Variants in ADAMTS18 observed in about 807,000 individuals in gnomAD.
The protein encoded by ADAMTS18 is A disintegrin and metalloproteinase with thrombospondin motifs 18.
Under a neutral mutation model 165.9 loss-of-function variants are expected in ADAMTS18, and 157 were observed. The ratio of observed to expected loss-of-function variants is 0.95; its 90% confidence interval spans 0.83 to 1.08. The LOEUF (loss-of-function observed/expected upper bound fraction) is 1.08, where lower values mean the gene tolerates loss of function less well. ADAMTS18 is among the 50% of genes least tolerant of loss of function. ADAMTS18 has a pLI of 0.00. For missense variants in ADAMTS18, 2,040 were observed against 1,534.0 expected (o/e 1.33, Z -5.51); for synonymous variants, 782 against 578.2 (o/e 1.35, Z -5.06).
intron 2 of ADAMTS18, among the ~76,000 whole-genome samples, chr16:77,433,223 G>A (rs928619729): frequency 6.6e-6 from 1 of 152,180 alleles, no homozygotes; most frequent in East Asian, 1.9e-4. Flanking sequence ...ACATATGCAG[G>A]AAGTCTGTGT....
intron 3 of ADAMTS18, among the ~76,000 whole-genome samples, chr16:77,408,539 A>G (rs1225973300): frequency 2.6e-5 from 4 of 152,214 alleles, no homozygotes. Flanking sequence ...ACAGCTACAT[A>G]TAACAATATG....
intron 13 of ADAMTS18, among the ~76,000 whole-genome samples, chr16:77,323,043 A>T (rs1191315783): frequency 6.6e-6 from 1 of 152,222 alleles, no homozygotes; most frequent in African/African-American, 2.4e-5. Context: ...GAAAGCAAAT[A>T]AACTCGTCCT....
chr16:77,391,638 C>T (rs1428993258), intron 3 of ADAMTS18, among the ~76,000 whole-genome samples: 1 of 152,122 alleles, frequency 6.6e-6, no homozygotes, highest in Non-Finnish European at 1.5e-5. Context: ...ATTCATCTTC[C>T]TTTTAATAGT....
intron 21 of ADAMTS18, 95 bp from the exon 22 acceptor site, chr16:77,289,506 AT>A: frequency 2.8e-6 from 4 of 1,419,084 alleles, no homozygotes; most frequent in East Asian, 2.3e-5. Flanking sequence ...CATTAACAAG[AT>A]GCCTGCTGAT....
intron 3 of ADAMTS18, among the ~76,000 whole-genome samples, chr16:77,415,605 G>A (rs553482986): frequency 1.3e-4 from 19 of 151,188 alleles, no homozygotes; most frequent in Non-Finnish European, 1.6e-4. Flanking sequence ...TGACTAGTCA[G>A]TATGTAAAAC....
Position 77,283,934 on chromosome 16 carries a change from G to A in ADAMTS18, c.*22C>T, listed in dbSNP as rs370851493. The A allele has an allele frequency of 3.8e-6, 6 of 1,586,088 alleles. No homozygotes were observed. The highest frequency in any genetic ancestry group is 5.2e-6 in the Non-Finnish European group (6 of 1,154,920). On this transcript the variant is annotated 3_prime_UTR_variant, in exon 23 of 23. Transcript: ENST00000282849. ...TTGAAAGGTAAGCCCCTGGCCCTAAGGTGCTGGGGAGGACACCAAGATCAG... is the reference window on the plus strand; with the variant it reads ...TTGAAAGGTAAGCCCCTGGCCCTAAAGTGCTGGGGAGGACACCAAGATCAG...
At chr16:77,355,807 T>A in intron 9 of ADAMTS18, 133 bp downstream of exon 9, 2 of 1,083,958 alleles carry the variant, frequency 1.8e-6, no homozygotes, top group Admixed American at 1.7e-5. Context: ...ATCATCATTA[T>A]CATCATCATT....
At chr16:77,393,455 G>A (rs944371696) in intron 3 of ADAMTS18, among the ~76,000 whole-genome samples, 2 of 152,184 alleles carry the variant, frequency 1.3e-5, no homozygotes, top group Admixed American at 1.3e-4. Flanking sequence ...CTGAATGTTT[G>A]TATCACTCCA....
rs2056902466 is a variant in ADAMTS18, at chr16:77,373,306, C to CT, written c.496-5584dup. On this transcript the variant is annotated intron_variant, in intron 3 of 22. Transcript: ENST00000282849. Reference sequence around the variant, plus strand: ...TGGCTAACACAGTGAAACCCTGTCTCTACTAAAAATACAAAAACTAGCCAG... The same window carrying CT: ...TGGCTAACACAGTGAAACCCTGTCTCTTACTAAAAATACAAAAACTAGCCAG... Among the ~76,000 whole-genome samples the CT allele has an allele frequency of 3.3e-5, 5 of 151,962 alleles. No homozygotes were observed. The South Asian group carries it at 1.0e-3, about 32-fold the overall frequency.
At chr16:77,385,776 G>A (rs2434888) in intron 3 of ADAMTS18, among the ~76,000 whole-genome samples, 1 of 152,014 alleles carries the variant, frequency 6.6e-6, no homozygotes, top group African/African-American at 2.4e-5. Context: ...GGAAGAGCCA[G>A]ACATGACCAC....
At chr16:77,410,354 CT>C (rs934896519) in intron 3 of ADAMTS18, among the ~76,000 whole-genome samples, 7 of 151,406 alleles carry the variant, frequency 4.6e-5, no homozygotes, top group African/African-American at 1.7e-4. Flanking sequence ...TAGGCCTCAT[CT>C]TTTTTAAAAA....
At chr16:77,372,522 G>A (rs1313440229) in intron 3 of ADAMTS18, among the ~76,000 whole-genome samples, 1 of 152,162 alleles carries the variant, frequency 6.6e-6, no homozygotes, top group African/African-American at 2.4e-5. Context: ...TGAAATCAAA[G>A]ACGGAGTCTT....
intron 3 of ADAMTS18, among the ~76,000 whole-genome samples, chr16:77,424,062 G>C (rs768233615): frequency 6.6e-6 from 1 of 152,152 alleles, no homozygotes; most frequent in Non-Finnish European, 1.5e-5. Flanking sequence ...AGAAAAAGAG[G>C]TACTGTTCCC....
chr16:77,316,627 T>A (rs1291648397), intron 16 of ADAMTS18, among the ~76,000 whole-genome samples: 1 of 152,220 alleles, frequency 6.6e-6, no homozygotes, highest in Non-Finnish European at 1.5e-5. Flanking sequence ...TAGATTCTCC[T>A]ATTTTTTAGT....
chr16:77,317,225 A>T (rs2055903454), intron 16 of ADAMTS18, among the ~76,000 whole-genome samples: 1 of 152,154 alleles, frequency 6.6e-6, no homozygotes, highest in Non-Finnish European at 1.5e-5. Context: ...TCTAAGTTTC[A>T]TTATAGCAGG....
intron 16 of ADAMTS18, among the ~76,000 whole-genome samples, chr16:77,305,598 G>T (rs2055667005): frequency 6.6e-6 from 1 of 152,146 alleles, no homozygotes; most frequent in African/African-American, 2.4e-5. Flanking sequence ...TTCTCACCTG[G>T]ATCAGTTTTA....
At chr16:77,316,930 G>T (rs576293798) in intron 16 of ADAMTS18, among the ~76,000 whole-genome samples, 55 of 151,962 alleles carry the variant, frequency 3.6e-4, no homozygotes, top group Non-Finnish European at 6.3e-4. Context: ...GCATCCCAAA[G>T]TGCTGGGATT....
intron 9 of ADAMTS18, among the ~76,000 whole-genome samples, 173 bp downstream of exon 9, chr16:77,355,767 T>C (rs555127311): frequency 6.6e-6 from 1 of 152,188 alleles, no homozygotes; most frequent in African/African-American, 2.4e-5. Context: ...TAGGCTTCAA[T>C]CTATTTTTTT....
intron 10 of ADAMTS18, among the ~76,000 whole-genome samples, chr16:77,343,201 G>A (rs768302010): frequency 2.6e-5 from 4 of 151,900 alleles, no homozygotes; most frequent in Non-Finnish European, 5.9e-5. Context: ...AGCCTCCTGA[G>A]TAACTGGGAT....
Sources: allele counts gnomAD v4.1 joint callset (sites outside exome capture counted in the v4.1 genomes callset), GRCh38; gene constraint gnomAD v4.1.1; transcripts MANE v1.5; gene names NCBI Gene and HGNC (gene_info 2026-07-23, HGNC 2026-07-21).